Variants in ANK3 observed in about 807,000 individuals in gnomAD.
The protein encoded by ANK3 is ankyrin-3.
ANK3 carries 57 observed loss-of-function variants against 370.9 expected under a neutral mutation model. That is an observed-to-expected ratio of 0.15 (90% CI 0.12 to 0.19). The LOEUF is 0.19. Ranked by LOEUF, ANK3 falls within the 10% of genes least tolerant of loss-of-function variation. The pLI is 1.00. For synonymous variants in ANK3, 1,929 were observed against 1,946.3 expected (o/e 0.99, Z 0.23); for missense variants, 4,439 against 5,302.1 (o/e 0.84, Z 5.06).
At chr10:60,151,729 A>G (rs948902805) in intron 23 of ANK3, among the ~76,000 whole-genome samples, 6 of 152,240 alleles carry the variant, frequency 3.9e-5, no homozygotes, top group African/African-American at 1.4e-4. Context: ...AAAACAGACT[A>G]GCATAGGTAT....
intron 25 of ANK3, among the ~76,000 whole-genome samples, chr10:60,122,344 G>A (rs1305862635): frequency 6.6e-6 from 1 of 152,244 alleles, no homozygotes; most frequent in Non-Finnish European, 1.5e-5. Context: ...GCCTACTTCT[G>A]CAAAGAGTGT....
At chr10:60,283,286 G>C (rs1369740773) in intron 1 of ANK3, among the ~76,000 whole-genome samples, 1 of 147,530 alleles carries the variant, frequency 6.8e-6, no homozygotes, top group Non-Finnish European at 1.5e-5. Flanking sequence ...TCTCACTGCC[G>C]TCATTTCATG....
chr10:60,272,049 T>G (rs765197120), intron 4 of ANK3, among the ~76,000 whole-genome samples: 22 of 151,524 alleles, frequency 1.5e-4, no homozygotes, highest in Non-Finnish European at 2.6e-4. Context: ...TTCTACCACA[T>G]TTAAACATGA....
At chr10:60,039,534 T>C (rs1312581011) in intron 43 of ANK3, among the ~76,000 whole-genome samples, 1 of 152,244 alleles carries the variant, frequency 6.6e-6, no homozygotes, top group African/African-American at 2.4e-5. Flanking sequence ...GCTTTTGTGC[T>C]TGTATTTGAT....
At chr10:60,221,233 C>A (rs746762514) in intron 8 of ANK3, among the ~76,000 whole-genome samples, 5 of 151,956 alleles carry the variant, frequency 3.3e-5, no homozygotes, top group Non-Finnish European at 7.4e-5. Context: ...GCGCCTGCCA[C>A]CACGCCTGGC....
chr10:60,687,545 C>CAA (rs1370424854), intron 1 of ANK3, among the ~76,000 whole-genome samples: 1 of 151,902 alleles, frequency 6.6e-6, no homozygotes, highest in African/African-American at 2.4e-5. Context: ...AACACACACA[C>CAA]ACACACACAT....
chr10:60,069,276 C>T lies in ANK3; in HGVS notation c.11605G>A (p.Ala3869Thr), dbSNP rs201163929. ...IRQKSKLPIK[A>T]TSPKDTFPPN... ...GGGAAGGTATCTTTTGGTGAAGTGGCCTTTATGGGAAGTTTGGATTTTTGC... is the reference window on the plus strand; with the variant it reads ...GGGAAGGTATCTTTTGGTGAAGTGGTCTTTATGGGAAGTTTGGATTTTTGC... The change falls in exon 37 of 44, where the codon GCC becomes ACC. Residue 3869 changes from alanine to threonine, a missense_variant. Physicochemically the swap from Ala to Thr is moderately conservative, Grantham distance 58 (BLOSUM62 0). This residue lies in a region of ANK3 where 496 missense variants were observed against 529.3 expected (regional missense o/e 0.94). Coordinates refer to ENST00000280772, the MANE Select transcript of ANK3 (RefSeq NM_020987.5). 4 of 1,613,976 alleles carry T rather than the reference C, an allele frequency of 2.5e-6. No homozygotes were observed. The African/African-American group carries it at 4.0e-5, about 16-fold the overall frequency.
intron 36 of ANK3, among the ~76,000 whole-genome samples, chr10:60,078,741 T>C (rs2084391436): frequency 6.6e-6 from 1 of 152,218 alleles, no homozygotes; most frequent in Non-Finnish European, 1.5e-5. Context: ...GAAGGAAAAG[T>C]GGCATTCACT....
rs140830125 is a variant in ANK3, at chr10:60,068,667, C to G, written c.12214G>C (p.Gly4072Arg). 2.0e-5 allele frequency: 32 copies of G among 1,611,812 alleles called. No individual in the cohort carries two copies. The African/African-American group carries it at 4.3e-4, about 22-fold the overall frequency. Residue 4072 changes from glycine to arginine, a missense_variant, in exon 37 of 44, where the codon GGC (glycine) becomes CGC (arginine). Coordinates refer to ENST00000280772, the MANE Select transcript of ANK3 (RefSeq NM_020987.5). The part of the protein sequence containing the change: ...APLKSKSEKA[G>R]SEKRSSRRTG... The stretch of plus-strand genomic sequence containing the variant: ...CTTCTACTGCTCCTTTTCTCACTGC[C>G]GGCCTTTTCACTCTTTGATTTTAAA...
At chr10:60,575,761 C>G (rs1448162897) in intron 2 of ANK3, among the ~76,000 whole-genome samples, 1 of 152,118 alleles carries the variant, frequency 6.6e-6, no homozygotes, top group African/African-American at 2.4e-5. Context: ...AAAAACATAT[C>G]TTCACTTTAT....
rs1282545611 is a variant in ANK3, at chr10:60,228,185, T to C, written c.897+6503A>G. Among the ~76,000 whole-genome samples the C allele has an allele frequency of 2.0e-5, 3 of 152,226 alleles. No homozygotes were observed. In the East Asian group the frequency reaches 5.8e-4, roughly 29 times the overall value. ...GCACCACTTACGAATATTTCTTCTATGAATACATGAGAGAATTCTTGACTT... is the reference window on the plus strand; with the variant it reads ...GCACCACTTACGAATATTTCTTCTACGAATACATGAGAGAATTCTTGACTT... On this transcript the variant is annotated intron_variant, in intron 8 of 43. Coordinates refer to ENST00000280772, the MANE Select transcript of ANK3 (RefSeq NM_020987.5).
At chr10:60,707,650 T>C (rs980399602) in intron 1 of ANK3, among the ~76,000 whole-genome samples, 1 of 151,320 alleles carries the variant, frequency 6.6e-6, no homozygotes, top group African/African-American at 2.4e-5. Flanking sequence ...AGATTATAGA[T>C]TTAAAATGCC....
chr10:60,196,339 G>A (rs2096585138), intron 15 of ANK3, 96 bp from the exon 16 acceptor site: 1 of 1,159,830 alleles, frequency 8.6e-7, no homozygotes, highest in South Asian at 1.4e-5. Flanking sequence ...TACGACATAG[G>A]GCATATTTAC....
chr10:60,677,630 G>A (rs1032241366), intron 1 of ANK3, among the ~76,000 whole-genome samples: 1 of 151,950 alleles, frequency 6.6e-6, no homozygotes, highest in Non-Finnish European at 1.5e-5. Context: ...TGTGCAGATG[G>A]TTATGGAAGA....
intron 2 of ANK3, among the ~76,000 whole-genome samples, chr10:60,404,183 A>C (rs1209071412): frequency 6.7e-6 from 1 of 150,198 alleles, no homozygotes. Flanking sequence ...AGAACTGTAG[A>C]TTCAACATGA....
At chr10:60,237,108 G>A (rs1592216715) in intron 7 of ANK3, among the ~76,000 whole-genome samples, 3 of 152,370 alleles carry the variant, frequency 2.0e-5, no homozygotes, top group African/African-American at 7.2e-5. Flanking sequence ...GAAACTATAG[G>A]CTGTGCCTTT....
At chr10:60,516,454 G>A (rs1226636784) in intron 2 of ANK3, among the ~76,000 whole-genome samples, 1 of 152,140 alleles carries the variant, frequency 6.6e-6, no homozygotes, top group Non-Finnish European at 1.5e-5. Context: ...ATTGGCATCA[G>A]TAGAGCAGCT....
At position 60,376,978 on chromosome 10, in the gene ANK3, G is replaced by A. The variant is rs537200010; in HGVS notation, c.114+12447C>T. On this transcript the variant is annotated intron_variant, in intron 1 of 43. Transcript: ENST00000280772. ...GAAGAGGCATAGTAAAACAGGGATC[G>A]TTAACAATGGCCATGCTTCAAAGGA... Among the ~76,000 whole-genome samples the A allele has an allele frequency of 9.2e-5, 14 of 152,328 alleles. No homozygotes were observed. In the East Asian group the frequency reaches 2.3e-3, roughly 25 times the overall value.
intron 1 of ANK3, among the ~76,000 whole-genome samples, chr10:60,346,005 G>C (rs925627445): frequency 2.0e-5 from 3 of 152,046 alleles, no homozygotes; most frequent in African/African-American, 4.8e-5. Flanking sequence ...GAAATCAGTG[G>C]GGGAAAAGGT....
Sources: gnomAD v4.1 joint callset for allele counts (sites outside exome capture counted in the v4.1 genomes callset) on GRCh38, gnomAD v4.1.1 for gene constraint, gnomAD v4.1.1 regional missense constraint, MANE v1.5 for transcripts, NCBI Gene and HGNC (gene_info 2026-07-23, HGNC 2026-07-21) for gene names.